SUCLG2: variants seen among roughly 807,000 people sequenced by gnomAD.
The protein encoded by SUCLG2 is succinate--CoA ligase [GDP-forming] subunit beta, mitochondrial.
SUCLG2 carries 42 observed loss-of-function variants against 47.9 expected under a neutral mutation model. That is an observed-to-expected ratio of 0.88 (90% CI 0.69 to 1.14). The LOEUF is 1.14. Among genes scored for constraint, SUCLG2 ranks in the 50% most tolerant of loss-of-function variants. The pLI, the probability that SUCLG2 is intolerant of heterozygous loss-of-function variation, is 0.00. For synonymous variants in SUCLG2, 195 were observed against 197.3 expected (o/e 0.99, Z 0.10); for missense variants, 571 against 525.9 (o/e 1.09, Z -0.84).
chr3:67,433,924 C>T (rs1703550247), intron 9 of SUCLG2, among the ~76,000 whole-genome samples: 1 of 151,796 alleles, frequency 6.6e-6, no homozygotes, highest in Non-Finnish European at 1.5e-5. Context: ...AATTTCTGTT[C>T]ACAAAAAATT....
chr3:67,593,451 T>A, intron 2 of SUCLG2, among the ~76,000 whole-genome samples: 1 of 152,122 alleles, frequency 6.6e-6, no homozygotes, highest in East Asian at 1.9e-4. Flanking sequence ...GTCTAACACA[T>A]CCCCAATGCC....
intron 1 of SUCLG2, among the ~76,000 whole-genome samples, chr3:67,641,982 T>C (rs1419220859): frequency 3.3e-5 from 5 of 152,210 alleles, no homozygotes; most frequent in Non-Finnish European, 5.9e-5. Flanking sequence ...AGTATAAATT[T>C]TCTCTTTTTA....
intron 9 of SUCLG2, among the ~76,000 whole-genome samples, chr3:67,418,858 G>T (rs2106853559): frequency 6.6e-6 from 1 of 152,006 alleles, no homozygotes; most frequent in South Asian, 2.1e-4. Context: ...TGGAACTCAG[G>T]GATAACAAAA....
chr3:67,395,459 A>C (rs1006978407), intron 10 of SUCLG2, among the ~76,000 whole-genome samples: 6 of 152,250 alleles, frequency 3.9e-5, no homozygotes, highest in African/African-American at 1.4e-4. Context: ...GATCAATTCA[A>C]CAAGAAGAAC....
At chr3:67,434,589 T>C (rs1211087665) in intron 9 of SUCLG2, among the ~76,000 whole-genome samples, 2 of 151,990 alleles carry the variant, frequency 1.3e-5, no homozygotes, top group Non-Finnish European at 2.9e-5. Flanking sequence ...ATAGGGTACC[T>C]AACAAAAAAA....
At chr3:67,519,011 C>T (rs1706025828) in intron 5 of SUCLG2, among the ~76,000 whole-genome samples, 1 of 151,826 alleles carries the variant, frequency 6.6e-6, no homozygotes, top group East Asian at 1.9e-4. Context: ...ATGAGTACAG[C>T]AGGTCTTCAA....
intron 2 of SUCLG2, among the ~76,000 whole-genome samples, chr3:67,578,244 A>G (rs1707792736): frequency 6.8e-6 from 1 of 146,016 alleles, no homozygotes; most frequent in African/African-American, 2.5e-5. Context: ...AATTTTACAT[A>G]TATCATATAT....
At chr3:67,594,948 AAAT>A (rs1180952586) in intron 2 of SUCLG2, among the ~76,000 whole-genome samples, 4 of 152,204 alleles carry the variant, frequency 2.6e-5, no homozygotes, top group Admixed American at 6.5e-5. Flanking sequence ...TTTCCAAATG[AAAT>A]AATACCTCAA....
intron 9 of SUCLG2, among the ~76,000 whole-genome samples, chr3:67,485,331 C>A (rs1705023425): frequency 6.6e-6 from 1 of 152,002 alleles, no homozygotes; most frequent in Non-Finnish European, 1.5e-5. Flanking sequence ...TTTTCTTTTT[C>A]TTTCCTAAGT....
chr3:67,440,671 C>T (rs1703738309), intron 9 of SUCLG2, among the ~76,000 whole-genome samples: 2 of 152,126 alleles, frequency 1.3e-5, no homozygotes, highest in Admixed American at 6.5e-5. Context: ...ATCAAAACCA[C>T]AGTGAAATAC....
intron 2 of SUCLG2, 98 bp from the exon 3 acceptor site, chr3:67,529,284 A>C: frequency 1.2e-6 from 1 of 866,130 alleles, no homozygotes; most frequent in Non-Finnish European, 1.8e-6. Flanking sequence ...CTTCCAAGTA[A>C]CTGGTAAAAG....
chr3:67,420,023 T>C (rs1703119860), intron 9 of SUCLG2, among the ~76,000 whole-genome samples: 1 of 152,222 alleles, frequency 6.6e-6, no homozygotes, highest in Non-Finnish European at 1.5e-5. Flanking sequence ...TAGGAAGCTG[T>C]AGGCTTTGAT....
At chr3:67,603,549 G>A (rs1708467182) in intron 2 of SUCLG2, among the ~76,000 whole-genome samples, 1 of 152,176 alleles carries the variant, frequency 6.6e-6, no homozygotes, top group Admixed American at 6.5e-5. Flanking sequence ...ATTTTAGGAT[G>A]CATGTCATTA....
At chr3:67,374,589 G>T (rs895655075), downstream of SUCLG2, 1 of 205,896 alleles carries the variant, frequency 4.9e-6, no homozygotes, top group Non-Finnish European at 8.5e-6. Context: ...GAGTGGAACT[G>T]GAATAATCCT....
chr3:67,409,327 C>T (rs1373637877), intron 9 of SUCLG2, among the ~76,000 whole-genome samples: 2 of 152,106 alleles, frequency 1.3e-5, no homozygotes, highest in Non-Finnish European at 2.9e-5. Flanking sequence ...GAAATGTATA[C>T]CATTGCCACT....
At chr3:67,605,732 A>T (rs1456935055) in intron 2 of SUCLG2, among the ~76,000 whole-genome samples, 2 of 152,084 alleles carry the variant, frequency 1.3e-5, no homozygotes, top group African/African-American at 4.8e-5. Flanking sequence ...TCCTTTATCC[A>T]GCTTGATTTT....
At chr3:67,525,308 A>G (rs974648888) in intron 4 of SUCLG2, among the ~76,000 whole-genome samples, 1 of 152,260 alleles carries the variant, frequency 6.6e-6, no homozygotes, top group African/African-American at 2.4e-5. Context: ...TATAGGAACT[A>G]GAACAGGTAA....
At chr3:67,638,664 A>C (rs903231673) in intron 1 of SUCLG2, among the ~76,000 whole-genome samples, 4 of 152,252 alleles carry the variant, frequency 2.6e-5, no homozygotes, top group African/African-American at 4.8e-5. Flanking sequence ...CTTTATAGCA[A>C]GCAGACAGAT....
At chr3:67,429,594 T>C (rs1372523513) in intron 9 of SUCLG2, among the ~76,000 whole-genome samples, 1 of 152,122 alleles carries the variant, frequency 6.6e-6, no homozygotes, top group Non-Finnish European at 1.5e-5. Flanking sequence ...AATTCACACA[T>C]AACAATATTA....
Sources: gnomAD v4.1 joint callset for allele counts (sites outside exome capture counted in the v4.1 genomes callset) on GRCh38, gnomAD v4.1.1 for gene constraint, MANE v1.5 for transcripts, NCBI Gene and HGNC (gene_info 2026-07-23, HGNC 2026-07-21) for gene names.